Variants in CDK7 observed in about 807,000 individuals in gnomAD.
CDK7 encodes cyclin dependent kinase 7.
CDK7 carries 25 observed loss-of-function variants against 49.1 expected under a neutral mutation model. The ratio of observed to expected loss-of-function variants is 0.51; its 90% CI spans 0.37 to 0.71. The LOEUF is 0.71. CDK7 is among the 30% of genes least tolerant of loss of function. CDK7 has a pLI of 0.00. For synonymous variants in CDK7, 107 were observed against 140.0 expected (o/e 0.76, Z 1.67); for missense variants, 316 against 411.7 (o/e 0.77, Z 2.01).
rs145837721 is a variant in CDK7, at chr5:69,261,570, G to A, written c.528-635G>A. 4.9e-4 allele frequency among the ~76,000 whole-genome samples: 74 copies of A among 150,514 alleles called. No homozygotes were observed. The East Asian group carries it at 0.014, about 29-fold the overall frequency. ...TTTTGAGACGGAATCTGGCACTGTC[G>A]CCCAGGCTGGAGTGCAATGGCGCGA... is the stretch of plus-strand genomic sequence containing the variant. On this transcript the variant is annotated intron_variant, in intron 7 of 11. Transcript: ENST00000256443.
chr5:69,269,618 G>A (rs1751393068), intron 9 of CDK7, among the ~76,000 whole-genome samples: 1 of 151,828 alleles, frequency 6.6e-6, no homozygotes, highest in South Asian at 2.1e-4. Flanking sequence ...TTGACTCCTT[G>A]ACAAAAATGG....
chr5:69,251,552 G>A (rs955511402), intron 2 of CDK7, among the ~76,000 whole-genome samples: 2 of 152,014 alleles, frequency 1.3e-5, no homozygotes, highest in Non-Finnish European at 2.9e-5. Flanking sequence ...TTGTTTTTTT[G>A]TTTGTTTGAG....
Position 69,271,513 on chromosome 5 carries a change from C to CT in CDK7, c.715-1363dup, listed in dbSNP as rs56035306. ...AAAGATTTTTTGACAATTTTTTTTT[C>CT]TTTTTTTTTTTTTTTTCAAGACAAG... On this transcript the variant is annotated intron_variant, in intron 9 of 11. Coordinates refer to ENST00000256443, the MANE Select transcript of CDK7 (RefSeq NM_001799.4). Among the ~76,000 whole-genome samples, 321 of 134,316 alleles carry CT rather than the reference C, an allele frequency of 2.4e-3. 1 individual carries two copies. The highest frequency in any genetic ancestry group is 0.011 in the Middle Eastern group (3 of 268). 88.1% of individuals were successfully genotyped at this position (134,316 alleles called of 152,430 possible). A position where few individuals can be genotyped will look rare whatever the true frequency, so the allele number is the denominator to read the frequency against.
intron 8 of CDK7, among the ~76,000 whole-genome samples, chr5:69,266,478 A>G (rs1011022402): frequency 2.0e-5 from 3 of 152,078 alleles, no homozygotes; most frequent in African/African-American, 7.2e-5. Context: ...AATCCCAGCT[A>G]CTCGGGAAGG....
intron 2 of CDK7, among the ~76,000 whole-genome samples, chr5:69,251,048 G>A (rs1373411756): frequency 1.3e-5 from 2 of 151,412 alleles, no homozygotes; most frequent in Non-Finnish European, 2.9e-5. Flanking sequence ...TCCCACTTCA[G>A]CCTTCCAAGT....
In CDK7 at chr5:69,255,812, A is replaced by G. The variant is rs1016073970; in HGVS notation, c.297+284A>G. On this transcript the variant is annotated intron_variant, in intron 5 of 11. Coordinates refer to ENST00000256443, the MANE Select transcript of CDK7 (RefSeq NM_001799.4). The stretch of plus-strand genomic sequence containing the variant: ...TTTTGGAGAAATGAGCATTAGACCT[A>G]TAAGATTTGTTTGCTTTTTTTTTTT... 3.1e-5 allele frequency: 12 copies of G among 381,070 alleles called. No individual in the cohort carries two copies. The highest frequency in any genetic ancestry group is 2.3e-4 in the African/African-American group (11 of 47,432). 23.6% of individuals were successfully genotyped at this position (381,070 alleles called of 1,614,324 possible). A position where few individuals can be genotyped will look rare whatever the true frequency, so the allele number is the denominator to read the frequency against.
intron 2 of CDK7, among the ~76,000 whole-genome samples, chr5:69,241,632 A>G (rs532032956): frequency 6.6e-6 from 1 of 151,968 alleles, no homozygotes; most frequent in Non-Finnish European, 1.5e-5. Flanking sequence ...CCCTCATTGT[A>G]GTTTTCATTT....
chr5:69,257,361 C>T (rs750400064), intron 5 of CDK7, among the ~76,000 whole-genome samples: 1 of 152,080 alleles, frequency 6.6e-6, no homozygotes, highest in Non-Finnish European at 1.5e-5. Context: ...CTTTTAGTTC[C>T]TAACTGATAA....
chr5:69,244,049 GTC>G (rs577706407), intron 2 of CDK7, among the ~76,000 whole-genome samples: 3 of 143,542 alleles, frequency 2.1e-5, no homozygotes, highest in Non-Finnish European at 3.0e-5. Flanking sequence ...GGCCAGACTA[GTC>G]TTGAACTCCT....
chr5:69,234,943 C>A lies in CDK7; in HGVS notation c.-33C>A. 1 of 1,573,416 alleles carries A rather than the reference C, an allele frequency of 6.4e-7. No individual in the cohort carries two copies. Among genetic ancestry groups the A allele is most frequent in the East Asian group, 2.3e-5 (1 of 42,992 alleles). On this transcript the variant is annotated 5_prime_UTR_variant, in exon 1 of 12. Coordinates refer to ENST00000256443, the MANE Select transcript of CDK7 (RefSeq NM_001799.4). ...ATTCGTGTTGTCCTGGGAGCTCGCCCTTTTCGGCTGGAGTCGGGCTTTACG... is the reference window on the plus strand; with the variant it reads ...ATTCGTGTTGTCCTGGGAGCTCGCCATTTTCGGCTGGAGTCGGGCTTTACG...
rs747576681 is a variant in CDK7 at position 69,243,826 on chromosome 5, G to GTTTTTTTTTTT, written c.126+8387_126+8397dup. On this transcript the variant is annotated intron_variant, in intron 2 of 11. Coordinates refer to ENST00000256443, the MANE Select transcript of CDK7 (RefSeq NM_001799.4). ...TCAATTTCTTTCACCAATGATAGTT[G>GTTTTTTTTTTT]TTTTTTTTTTTTTTTTTTTTTTTTG... 1.8e-4 allele frequency among the ~76,000 whole-genome samples: 12 copies of GTTTTTTTTTTT among 66,400 alleles called. 2 individuals carry two copies. The highest frequency in any genetic ancestry group is 7.4e-4 in the South Asian group (1 of 1,348). The allele number at this position is 66,400 out of a possible 152,430, so 43.6% of individuals were successfully genotyped here.
In CDK7 at chr5:69,241,381, C is replaced by A. The variant is rs149556303; in HGVS notation, c.126+5928C>A. On this transcript the variant is annotated intron_variant, in intron 2 of 11. Transcript: ENST00000256443. ...TGTCACCCAGGCTGGAGTGCAGTGG[C>A]GCAATCTCGGTTTACTGCAACCTCC... 5.5e-4 allele frequency among the ~76,000 whole-genome samples: 74 copies of A among 135,534 alleles called. No individual in the cohort carries two copies. In the East Asian group the frequency reaches 8.7e-3, roughly 16 times the overall value. 88.9% of individuals were successfully genotyped at this position (135,534 alleles called of 152,430 possible).
intron 2 of CDK7, chr5:69,250,666 C>T (rs1451218835): frequency 2.2e-6 from 1 of 455,582 alleles, no homozygotes; most frequent in African/African-American, 2.0e-5. Context: ...ACCTGGTGCT[C>T]TTCCCCAGGG....
intron 8 of CDK7, among the ~76,000 whole-genome samples, chr5:69,266,164 C>G (rs913005730): frequency 1.1e-4 from 16 of 152,152 alleles, no homozygotes; most frequent in African/African-American, 3.6e-4. Flanking sequence ...GGCGCACTTG[C>G]GGTCAGCAGG....
chr5:69,266,109 C>T (rs1033199658), intron 8 of CDK7, among the ~76,000 whole-genome samples: 3 of 152,036 alleles, frequency 2.0e-5, no homozygotes, highest in Non-Finnish European at 2.9e-5. Flanking sequence ...CAGGCGCTGC[C>T]GCACTCTCCA....
chr5:69,238,018 T>A (rs1749119058), intron 2 of CDK7, among the ~76,000 whole-genome samples: 1 of 152,238 alleles, frequency 6.6e-6, no homozygotes, highest in Non-Finnish European at 1.5e-5. Context: ...TAATTTCTAC[T>A]CCCGTTCATT....
intron 2 of CDK7, among the ~76,000 whole-genome samples, chr5:69,237,218 A>G (rs567437005): frequency 7.9e-5 from 12 of 152,162 alleles, no homozygotes; most frequent in Middle Eastern, 3.4e-3. Context: ...CTTCCACCCC[A>G]GCCTCCAAGG....
rs1168767153 is a variant in CDK7 at position 69,261,490 on chromosome 5, C to CTGTGTGTGTG, written c.528-689_528-680dup. ...ATGAAAGCCTGATTGAAAAGGTTCT[C>CTGTGTGTGTG]TGTGTGTGTGTGTGTGTGTGTGTGT... On this transcript the variant is annotated intron_variant, in intron 7 of 11. Transcript: ENST00000256443. Among the ~76,000 whole-genome samples the CTGTGTGTGTG allele has an allele frequency of 8.0e-4, 112 of 139,642 alleles. 1 individual carries two copies. The highest frequency in any genetic ancestry group is 3.3e-3 in the East Asian group (15 of 4,608). 91.6% of individuals were successfully genotyped at this position (139,642 alleles called of 152,430 possible).
intron 2 of CDK7, among the ~76,000 whole-genome samples, chr5:69,248,790 C>CTTTT (rs61331502): frequency 1.0e-4 from 11 of 110,466 alleles, no homozygotes; most frequent in African/African-American, 3.0e-4. Flanking sequence ...ACCTTCTTTT[C>CTTTT]TTTTTTTTTT....
Sources: allele counts gnomAD v4.1 joint callset (sites outside exome capture counted in the v4.1 genomes callset), GRCh38; gene constraint gnomAD v4.1.1; transcripts MANE v1.5; gene names NCBI Gene and HGNC (gene_info 2026-07-23, HGNC 2026-07-21).